GEMIN5: variants seen among roughly 807,000 people sequenced by gnomAD.
GEMIN5 encodes the protein gem nuclear organelle associated protein 5, also known as gem-associated protein 5.
Under a neutral mutation model 176.9 loss-of-function variants are expected in GEMIN5, and 124 were observed. The observed-to-expected ratio is 0.70, with a 90% CI of 0.61 to 0.81. GEMIN5 has a LOEUF of 0.81. GEMIN5 is among the 40% of genes least tolerant of loss of function. GEMIN5 has a pLI of 0.00. For synonymous variants in GEMIN5, 673 were observed against 665.2 expected, an observed-to-expected ratio of 1.01 and a Z score of -0.18; for missense variants, 1,843 against 1,814.6, an observed-to-expected ratio of 1.02 and a Z score of -0.28.
At chr5:154,917,225 T>C (rs1397859106) in intron 12 of GEMIN5, 46 bp from the exon 13 acceptor site, 3 of 1,134,360 alleles carry the variant, frequency 2.6e-6, no homozygotes, top group Non-Finnish European at 3.7e-6. Flanking sequence ...ATGATCAAAT[T>C]ACAAGTTACA....
At chr5:154,926,120 A>T in intron 7 of GEMIN5, 46 bp from the exon 8 acceptor site, 1 of 1,266,620 alleles carries the variant, frequency 7.9e-7, no homozygotes, top group Non-Finnish European at 1.1e-6. Context: ...AAGAACAGAG[A>T]AATAGGAAAA....
chr5:154,918,144 G>A (rs1472579608), intron 11 of GEMIN5, 140 bp from the exon 12 acceptor site: 1 of 611,106 alleles, frequency 1.6e-6, no homozygotes, highest in Non-Finnish European at 2.9e-6. Context: ...TACATAATTA[G>A]TAAAAGGATT....
chr5:154,888,602 C>T (rs1763157368), intron 27 of GEMIN5, among the ~76,000 whole-genome samples: 1 of 152,208 alleles, frequency 6.6e-6, no homozygotes, highest in Non-Finnish European at 1.5e-5. Context: ...CTCAATGGCA[C>T]AATCTCTTTC....
chr5:154,926,828 G>A (rs1309066706), intron 7 of GEMIN5, among the ~76,000 whole-genome samples: 1 of 152,142 alleles, frequency 6.6e-6, no homozygotes, highest in Non-Finnish European at 1.5e-5. Context: ...GGCAGATCAC[G>A]AGGTCAGGAG....
chr5:154,904,417 C>G, intron 18 of GEMIN5, 90 bp downstream of exon 18: 2 of 1,124,878 alleles, frequency 1.8e-6, no homozygotes, highest in Non-Finnish European at 2.6e-6. Context: ...TTAGACATTT[C>G]TTTGGGCATT....
At chr5:154,929,530 C>G (rs554150811) in intron 5 of GEMIN5, among the ~76,000 whole-genome samples, 24 of 152,294 alleles carry the variant, frequency 1.6e-4, no homozygotes, top group African/African-American at 5.5e-4. Context: ...CAGGGCCTAA[C>G]TCCTAGAGAT....
intron 8 of GEMIN5, among the ~76,000 whole-genome samples, chr5:154,925,021 A>G (rs1411601938): frequency 6.6e-6 from 1 of 152,130 alleles, no homozygotes; most frequent in Non-Finnish European, 1.5e-5. Flanking sequence ...AACAAAAAAA[A>G]CAAAGTCAAT....
chr5:154,918,058 A>C, intron 11 of GEMIN5, 54 bp from the exon 12 acceptor site: 1 of 1,098,720 alleles, frequency 9.1e-7, no homozygotes, highest in Non-Finnish European at 1.4e-6. Context: ...CAAATCAGCA[A>C]TGACAGCATG....
At chr5:154,928,449 T>C (rs1397797436) in intron 6 of GEMIN5, 78 bp downstream of exon 6, 4 of 1,327,522 alleles carry the variant, frequency 3.0e-6, no homozygotes, top group Non-Finnish European at 4.3e-6. Context: ...TGGCCATTAC[T>C]TTCTCCATCC....
At chr5:154,921,316 T>G in intron 10 of GEMIN5, 27 bp downstream of exon 10, 1 of 942,824 alleles carries the variant, frequency 1.1e-6, no homozygotes, top group Non-Finnish European at 1.8e-6. Context: ...ACTCTCATAT[T>G]TGTTATGGAA....
chr5:154,920,130 T>C (rs369961693), intron 10 of GEMIN5, 27 bp from the exon 11 acceptor site: 206 of 1,598,750 alleles, frequency 1.3e-4, no homozygotes, highest in Non-Finnish European at 1.6e-4. Flanking sequence ...AAGAAACTTA[T>C]CAGTTTTGTA....
In GEMIN5 at chr5:154,902,708, G is replaced by C. The variant is rs1763490606; in HGVS notation, c.2729-32C>G. On this transcript the variant is annotated intron_variant, in intron 19 of 27. Coordinates refer to ENST00000285873, the MANE Select transcript of GEMIN5 (RefSeq NM_015465.5). ...GAAAGAGAGATAATGTTTGGAAGGT[G>C]TTTCAGAAACATCTGTTACTGACTT... 1.9e-6 allele frequency: 3 copies of C among 1,608,014 alleles called. No individual in the cohort carries two copies. The East Asian group carries it at 6.7e-5, about 36-fold the overall frequency.
chr5:154,906,250 C>T (rs1763566212), intron 16 of GEMIN5, among the ~76,000 whole-genome samples: 2 of 152,270 alleles, frequency 1.3e-5, no homozygotes, highest in Middle Eastern at 3.4e-3. Flanking sequence ...CTTTCCTTGG[C>T]CTCCCATAGT....
At chr5:154,890,314 C>T (rs1763198017) in intron 26 of GEMIN5, among the ~76,000 whole-genome samples, 1 of 152,082 alleles carries the variant, frequency 6.6e-6, no homozygotes, top group African/African-American at 2.4e-5. Context: ...GCCTGGGTAG[C>T]TTTTACCTTT....
Position 154,908,171 on chromosome 5 carries a change from C to CT in GEMIN5, c.2168-354_2168-353insA, listed in dbSNP as rs1561716794. ...AGTTCTGCCAATTTTACCCAGATGT[C>CT]CTTTTTTTTTTTTTTTTTTTTTTTT... On this transcript the variant is annotated intron_variant, in intron 15 of 27. Coordinates refer to ENST00000285873, the MANE Select transcript of GEMIN5 (RefSeq NM_015465.5). Among the ~76,000 whole-genome samples the CT allele has an allele frequency of 9.8e-3, 866 of 88,680 alleles. 74 individuals are homozygous for CT. The highest frequency in any genetic ancestry group is 0.033 in the African/African-American group (733 of 22,300). 58.2% of individuals were successfully genotyped at this position (88,680 alleles called of 152,430 possible). A position where few individuals can be genotyped will look rare whatever the true frequency, so the allele number is the denominator to read the frequency against.
chr5:154,935,483 G>A (rs1278485235), intron 3 of GEMIN5, among the ~76,000 whole-genome samples: 1 of 152,174 alleles, frequency 6.6e-6, no homozygotes. Context: ...TAAAGGGAGC[G>A]CTCAGAACTA....
intron 11 of GEMIN5, among the ~76,000 whole-genome samples, chr5:154,919,054 G>C (rs1204681820): frequency 6.6e-6 from 1 of 151,814 alleles, no homozygotes; most frequent in Non-Finnish European, 1.5e-5. Context: ...AAATAAATAA[G>C]TAAATAAATA....
chr5:154,888,446 G>C (rs945148974), intron 27 of GEMIN5, 69 bp from the exon 28 acceptor site: 25 of 1,343,528 alleles, frequency 1.9e-5, no homozygotes, highest in Non-Finnish European at 2.5e-5. Flanking sequence ...CTGCACAGAA[G>C]GCACCAGTCA....
intron 24 of GEMIN5, among the ~76,000 whole-genome samples, chr5:154,893,505 T>C (rs895469419): frequency 1.3e-5 from 2 of 152,146 alleles, no homozygotes; most frequent in Admixed American, 6.5e-5. Context: ...TTTAAGTATG[T>C]AGTTTGAGAA....
Sources: allele counts gnomAD v4.1 joint callset (sites outside exome capture counted in the v4.1 genomes callset), GRCh38; gene constraint gnomAD v4.1.1; transcripts MANE v1.5; gene names NCBI Gene and HGNC (gene_info 2026-07-23, HGNC 2026-07-21).